Variants in MR1 observed in about 807,000 individuals in gnomAD.
The protein encoded by MR1 is major histocompatibility complex, class I-related, also known as major histocompatibility complex class I-related protein 1.
In MR1, 44 loss-of-function variants were observed where a neutral mutation model predicts 37.8. The ratio of observed to expected loss-of-function variants is 1.16; its 90% CI spans 0.91 to 1.50. MR1 has a LOEUF of 1.50. Among genes scored for constraint, MR1 ranks in the 40% most tolerant of loss-of-function variants. The pLI, the probability that MR1 is intolerant of heterozygous loss-of-function variation, is 0.00. For missense variants in MR1, 386 were observed against 419.1 expected (o/e 0.92, Z 0.69); for synonymous variants, 153 against 155.8 (o/e 0.98, Z 0.13).
intron 5 of MR1, 65 bp downstream of exon 5, chr1:181,053,742 T>A: frequency 1.7e-6 from 2 of 1,183,956 alleles, no homozygotes; most frequent in Non-Finnish European, 2.5e-6. Flanking sequence ...AGTTTTATTT[T>A]CTGCACCTGC....
intron 1 of MR1, among the ~76,000 whole-genome samples, chr1:181,040,594 T>G (rs1558112739): frequency 6.6e-6 from 1 of 151,742 alleles, no homozygotes; most frequent in East Asian, 1.9e-4. Flanking sequence ...CCATGGCAAA[T>G]GAAGAGGAAG....
chr1:181,055,088 A>C (rs556647971), intron 5 of MR1, 137 bp from the exon 6 acceptor site: 1 of 736,390 alleles, frequency 1.4e-6, no homozygotes, highest in East Asian at 2.5e-5. Flanking sequence ...AAGTTTGTCA[A>C]GTACTAAGAG....
intron 4 of MR1, 152 bp downstream of exon 4, chr1:181,052,662 T>G: frequency 1.1e-6 from 1 of 873,578 alleles, no homozygotes; most frequent in Non-Finnish European, 1.7e-6. Flanking sequence ...CTCACACTTT[T>G]TGGAACCAGG....
At chr1:181,035,085 G>C (rs1270893843) in intron 1 of MR1, among the ~76,000 whole-genome samples, 1 of 152,120 alleles carries the variant, frequency 6.6e-6, no homozygotes, top group East Asian at 1.9e-4. Context: ...CGGATCGCTT[G>C]AGGTCAGGAG....
At chr1:181,053,914 T>A (rs1658467243) in intron 5 of MR1, among the ~76,000 whole-genome samples, 1 of 152,134 alleles carries the variant, frequency 6.6e-6, no homozygotes, top group Non-Finnish European at 1.5e-5. Flanking sequence ...AACTAGTACA[T>A]CTGTCCAGGG....
chr1:181,055,441 G>T lies in MR1; in HGVS notation c.*176G>T, dbSNP rs1658563215. The T allele has an allele frequency of 5.0e-6, 3 of 595,068 alleles. No homozygotes were observed. Among genetic ancestry groups the T allele is most frequent in the Non-Finnish European group, 8.9e-6 (3 of 337,976 alleles). The allele number at this position is 595,068 out of a possible 1,614,324, so 36.9% of individuals were successfully genotyped here. On this transcript the variant is annotated 3_prime_UTR_variant, in exon 6 of 6. Coordinates refer to ENST00000367580, the MANE Select transcript of MR1 (RefSeq NM_001385161.1). ...AGCCACAAAATGTTCTTTGTTCTTT[G>T]GCTCCAAAAAGACTGTCAGCTTTCA...
chr1:181,054,367 A>G (rs1004830261), intron 5 of MR1, among the ~76,000 whole-genome samples: 1 of 152,218 alleles, frequency 6.6e-6, no homozygotes, highest in Non-Finnish European at 1.5e-5. Context: ...TGGTAAGGTT[A>G]TCTCCTGGCT....
chr1:181,048,225 A>AAAT (rs1416298375), intron 1 of MR1, among the ~76,000 whole-genome samples: 5 of 71,948 alleles, frequency 6.9e-5, no homozygotes, highest in Non-Finnish European at 1.3e-4. Flanking sequence ...TCAAAAAAAT[A>AAAT]AATAAAATAA....
chr1:181,034,220 G>A, intron 1 of MR1, 146 bp downstream of exon 1: 1 of 632,416 alleles, frequency 1.6e-6, no homozygotes, highest in Non-Finnish European at 2.6e-6. Flanking sequence ...CAGGAGCAAT[G>A]GATTGCCTGA....
chr1:181,047,188 C>A (rs777914096), intron 1 of MR1, among the ~76,000 whole-genome samples: 11 of 152,084 alleles, frequency 7.2e-5, no homozygotes, highest in Non-Finnish European at 1.3e-4. Context: ...AGTTTTGTTT[C>A]ATTTTGGTTT....
At chr1:181,035,495 G>A (rs910021786) in intron 1 of MR1, among the ~76,000 whole-genome samples, 1 of 152,104 alleles carries the variant, frequency 6.6e-6, no homozygotes, top group Non-Finnish European at 1.5e-5. Flanking sequence ...AAAGATTGGG[G>A]GTGAGGGTAA....
chr1:181,042,351 G>T (rs12036171), intron 1 of MR1, among the ~76,000 whole-genome samples: 14,638 of 151,410 alleles, frequency 0.097, 733 homozygotes, highest in Middle Eastern at 0.14. Flanking sequence ...ACAGGCATGC[G>T]CCACCATGCC....
Position 181,051,070 on chromosome 1 carries a change from T to A in MR1, c.604+784T>A, listed in dbSNP as rs561692616. ...TATGATTCAGTTGGTCAACTTTTAGTTCATATAGAACTTTTCATGTATGGT... is the reference window on the plus strand; with the variant it reads ...TATGATTCAGTTGGTCAACTTTTAGATCATATAGAACTTTTCATGTATGGT... On this transcript the variant is annotated intron_variant, in intron 3 of 5. Coordinates refer to ENST00000367580, the MANE Select transcript of MR1 (RefSeq NM_001385161.1). 3.9e-5 allele frequency: 6 copies of A among 152,272 alleles called. 1 individual carries two copies. In the South Asian group the frequency reaches 1.2e-3, roughly 32 times the overall value. The allele number at this position is 152,272 out of a possible 1,614,324, so 9.4% of individuals were successfully genotyped here. A position where few individuals can be genotyped will look rare whatever the true frequency, so the allele number is the denominator to read the frequency against.
At chr1:181,044,348 A>G (rs943842181) in intron 1 of MR1, among the ~76,000 whole-genome samples, 1 of 152,210 alleles carries the variant, frequency 6.6e-6, no homozygotes, top group African/African-American at 2.4e-5. Flanking sequence ...AAGATTCTCT[A>G]TAGTGGCAAG....
chr1:181,053,768 T>C (rs954027789), intron 5 of MR1, 91 bp downstream of exon 5: 23 of 935,280 alleles, frequency 2.5e-5, no homozygotes, highest in Non-Finnish European at 3.7e-5. Context: ...CCTCCTCCAT[T>C]CAGAAATGGC....
intron 3 of MR1, among the ~76,000 whole-genome samples, chr1:181,052,017 A>C (rs555205050): frequency 1.3e-5 from 2 of 152,334 alleles, no homozygotes; most frequent in Non-Finnish European, 2.9e-5. Context: ...TAGAGGATGG[A>C]GCATGGGCCA....
chr1:181,050,201 G>A lies in MR1; in HGVS notation c.519G>A (p.Leu173=), dbSNP rs754950992. The A allele has an allele frequency of 5.1e-5, 82 of 1,614,122 alleles. No homozygotes were observed. Among genetic ancestry groups the A allele is most frequent in the East Asian group, 4.2e-4 (19 of 44,894 alleles). ...GGGAGGCCAATCAGCATGAGTTGCTGTATCAAAAGAATTGGCTGGAAGAAG... is the reference window on the plus strand; with the variant it reads ...GGGAGGCCAATCAGCATGAGTTGCTATATCAAAAGAATTGGCTGGAAGAAG... ...QAWEANQHEL[L]YQKNWLEEEC... Residue 173 remains leucine (L), a synonymous_variant, in exon 3 of 6, where the codon CTG becomes CTA. Transcript: ENST00000367580.
At chr1:181,036,578 C>T (rs1041801292) in intron 1 of MR1, among the ~76,000 whole-genome samples, 1 of 152,098 alleles carries the variant, frequency 6.6e-6, no homozygotes, top group Non-Finnish European at 1.5e-5. Flanking sequence ...GTCATTACTC[C>T]AGGAAATGTC....
rs1019342811 is a variant in MR1 at position 181,061,631 on chromosome 1, T to C, written c.*6366T>C. The C allele has an allele frequency of 2.0e-5, 3 of 152,254 alleles. No homozygotes were observed. The highest frequency in any genetic ancestry group is 7.2e-5 in the African/African-American group (3 of 41,472). The allele number at this position is 152,254 out of a possible 1,614,324, so 9.4% of individuals were successfully genotyped here. On this transcript the variant is annotated 3_prime_UTR_variant, in exon 6 of 6. Coordinates refer to ENST00000367580, the MANE Select transcript of MR1 (RefSeq NM_001385161.1). Reference sequence around the variant, plus strand: ...ATAATCCTATCATGGTGTTTATTTATGGAAATCTATTTTAAAAATTTTATG... The same window carrying C: ...ATAATCCTATCATGGTGTTTATTTACGGAAATCTATTTTAAAAATTTTATG...
Sources: gnomAD v4.1 joint callset for allele counts (sites outside exome capture counted in the v4.1 genomes callset) on GRCh38, gnomAD v4.1.1 for gene constraint, MANE v1.5 for transcripts, NCBI Gene and HGNC (gene_info 2026-07-23, HGNC 2026-07-21) for gene names.